SLIT2: variants seen among roughly 807,000 people sequenced by gnomAD.
SLIT2 encodes the protein slit homolog 2 protein.
Under a neutral mutation model 185.7 loss-of-function variants are expected in SLIT2, and 41 were observed. The ratio of observed to expected loss-of-function variants is 0.22; its 90% confidence interval spans 0.17 to 0.29. The LOEUF (loss-of-function observed/expected upper bound fraction) is 0.29, where lower values mean the gene tolerates loss of function less well. Among genes scored for constraint, SLIT2 ranks in the 10% least tolerant of loss-of-function variants. The probability of loss-of-function intolerance (pLI) is 1.00; values close to 1 mark genes in which losing one functional copy is unlikely to be tolerated. For missense variants in SLIT2, 1,571 were observed against 1,909.0 expected (o/e 0.82, Z 3.30); for synonymous variants, 693 against 680.2 (o/e 1.02, Z -0.29).
Position 20,252,400 on chromosome 4 carries a change from G to A in SLIT2, c.-1416G>A, listed in dbSNP as rs1358741138. ...AGGCCAGGAAAGCAGCGGGAGAGGG[G>A]AAGGGGCTAGAAGGAGAAGGACTAC... On this transcript the variant is annotated 5_prime_UTR_variant, in exon 1 of 37. Coordinates refer to ENST00000504154, the MANE Select transcript of SLIT2 (RefSeq NM_004787.4). 6.6e-6 allele frequency among the ~76,000 whole-genome samples: 1 copy of A among 152,174 alleles called. No homozygotes were observed. Among genetic ancestry groups the A allele is most frequent in the Non-Finnish European group, 1.5e-5 (1 of 68,024 alleles).
At chr4:20,518,589 T>TATATA (rs1560495149) in intron 11 of SLIT2, among the ~76,000 whole-genome samples, 5 of 6,242 alleles carry the variant, frequency 8.0e-4, no homozygotes, top group African/African-American at 2.0e-3. Flanking sequence ...ATATATATAT[T>TATATA]TTTTTTTTTT....
intron 4 of SLIT2, among the ~76,000 whole-genome samples, chr4:20,282,643 C>T (rs968185147): frequency 2.6e-5 from 4 of 152,200 alleles, no homozygotes; most frequent in African/African-American, 9.7e-5. Context: ...CCTGTGGTGG[C>T]TACAGTGTAC....
intron 4 of SLIT2, among the ~76,000 whole-genome samples, chr4:20,377,263 G>A (rs1370003010): frequency 1.3e-5 from 2 of 152,044 alleles, no homozygotes; most frequent in Non-Finnish European, 2.9e-5. Flanking sequence ...TTTACAGTTT[G>A]TATATGAATG....
intron 4 of SLIT2, among the ~76,000 whole-genome samples, chr4:20,418,126 T>C (rs1322185156): frequency 6.6e-6 from 1 of 152,148 alleles, no homozygotes; most frequent in Admixed American, 6.5e-5. Flanking sequence ...TGAATTGGCA[T>C]GGGAATGGAT....
rs1164202369 is a variant in SLIT2 at position 20,288,211 on chromosome 4, A to G, written c.395+19330A>G. 2.6e-5 allele frequency among the ~76,000 whole-genome samples: 4 copies of G among 152,246 alleles called. No homozygotes were observed. In the South Asian group the frequency reaches 6.2e-4, roughly 24 times the overall value. ...TGTGTGAGTCAGCACGCTGTGGTAC[A>G]GAGCCAAGTTTTTGTGGGCAAACAG... On this transcript the variant is annotated intron_variant, in intron 4 of 36. Transcript: ENST00000504154.
At chr4:20,290,171 C>G (rs1715657614) in intron 4 of SLIT2, among the ~76,000 whole-genome samples, 1 of 152,202 alleles carries the variant, frequency 6.6e-6, no homozygotes, top group African/African-American at 2.4e-5. Context: ...GGAAGCCTTA[C>G]CTAATCCCCC....
intron 4 of SLIT2, among the ~76,000 whole-genome samples, chr4:20,350,875 A>G (rs1721815108): frequency 6.6e-6 from 1 of 152,150 alleles, no homozygotes; most frequent in Non-Finnish European, 1.5e-5. Flanking sequence ...TATAAAAGTA[A>G]TATAATATTA....
At chr4:20,380,993 C>G (rs1032643181) in intron 4 of SLIT2, among the ~76,000 whole-genome samples, 6 of 152,140 alleles carry the variant, frequency 3.9e-5, no homozygotes, top group African/African-American at 1.4e-4. Flanking sequence ...ATGGCCCACT[C>G]CTGTAATCCC....
At chr4:20,332,447 G>A (rs758191777) in intron 4 of SLIT2, among the ~76,000 whole-genome samples, 15 of 152,092 alleles carry the variant, frequency 9.9e-5, no homozygotes, top group South Asian at 2.1e-4. Flanking sequence ...GGTGGCTCAC[G>A]CCTGTAATCC....
At chr4:20,403,864 A>G (rs902282865) in intron 4 of SLIT2, among the ~76,000 whole-genome samples, 6 of 150,884 alleles carry the variant, frequency 4.0e-5, no homozygotes, top group Non-Finnish European at 7.4e-5. Context: ...CAATGAAGAC[A>G]TTGAAGACAA....
chr4:20,440,025 A>G (rs1166238050), intron 4 of SLIT2, among the ~76,000 whole-genome samples: 7 of 152,136 alleles, frequency 4.6e-5, no homozygotes, highest in Non-Finnish European at 8.8e-5. Context: ...AAATAGTTAC[A>G]CCATTTAATT....
chr4:20,574,323 C>T (rs1434104891), intron 29 of SLIT2, among the ~76,000 whole-genome samples: 1 of 152,086 alleles, frequency 6.6e-6, no homozygotes, highest in African/African-American at 2.4e-5. Flanking sequence ...GAAATGTTAT[C>T]TTAAAGACTC....
At chr4:20,370,837 C>T (rs1483731320) in intron 4 of SLIT2, among the ~76,000 whole-genome samples, 2 of 152,076 alleles carry the variant, frequency 1.3e-5, no homozygotes. Context: ...TCCCAAATCC[C>T]ATGGGTAGTT....
chr4:20,343,127 C>G (rs1000966005), intron 4 of SLIT2, among the ~76,000 whole-genome samples: 2 of 152,024 alleles, frequency 1.3e-5, no homozygotes, highest in African/African-American at 4.8e-5. Context: ...GCTACTAACA[C>G]TTATACTCTT....
chr4:20,373,271 CT>C (rs1723742101), intron 4 of SLIT2, among the ~76,000 whole-genome samples: 1 of 152,038 alleles, frequency 6.6e-6, no homozygotes, highest in Admixed American at 6.6e-5. Context: ...GTATTTTTGA[CT>C]TATAGTAGAT....
intron 4 of SLIT2, among the ~76,000 whole-genome samples, chr4:20,395,495 G>A (rs944339541): frequency 1.3e-5 from 2 of 152,028 alleles, no homozygotes; most frequent in Non-Finnish European, 2.9e-5. Context: ...GGTATATGAT[G>A]TGATATAATT....
chr4:20,511,223 C>G (rs1162453174), intron 11 of SLIT2, 86 bp downstream of exon 11: 2 of 725,222 alleles, frequency 2.8e-6, no homozygotes, highest in Non-Finnish European at 4.8e-6. Flanking sequence ...AAAAAATGCT[C>G]TCAGGTTTTT....
At chr4:20,548,860 CG>C (rs1723486219) in intron 23 of SLIT2, among the ~76,000 whole-genome samples, 196 bp from the exon 24 acceptor site, 1 of 151,932 alleles carries the variant, frequency 6.6e-6, no homozygotes, top group African/African-American at 2.4e-5. Context: ...GAGTAGGCAG[CG>C]GGAAGCATTC....
intron 4 of SLIT2, among the ~76,000 whole-genome samples, chr4:20,313,719 G>C (rs938783618): frequency 6.6e-6 from 1 of 152,112 alleles, no homozygotes; most frequent in Non-Finnish European, 1.5e-5. Context: ...TTCTGCGCTA[G>C]ATTCTCATAA....
Sources: allele counts gnomAD v4.1 joint callset (sites outside exome capture counted in the v4.1 genomes callset), GRCh38; gene constraint gnomAD v4.1.1; transcripts MANE v1.5; gene names NCBI Gene and HGNC (gene_info 2026-07-23, HGNC 2026-07-21).